COLGALT2: variants seen among roughly 807,000 people sequenced by gnomAD.
The protein encoded by COLGALT2 is procollagen galactosyltransferase 2.
COLGALT2 carries 49 observed loss-of-function variants against 73.4 expected under a neutral mutation model. The observed-to-expected ratio is 0.67, with a 90% CI of 0.53 to 0.85. The LOEUF (loss-of-function observed/expected upper bound fraction) is 0.85. Among genes scored for constraint, COLGALT2 ranks in the 40% least tolerant of loss-of-function variants. COLGALT2 has a pLI of 0.00. For synonymous variants in COLGALT2, 295 were observed against 307.6 expected (o/e 0.96, Z 0.43); for missense variants, 722 against 790.2 (o/e 0.91, Z 1.03).
At chr1:184,000,327 A>G (rs1032840551) in intron 1 of COLGALT2, among the ~76,000 whole-genome samples, 3 of 151,854 alleles carry the variant, frequency 2.0e-5, no homozygotes, top group African/African-American at 7.3e-5. Flanking sequence ...TTATTGATTG[A>G]TTGATTGAGA....
intron 1 of COLGALT2, among the ~76,000 whole-genome samples, chr1:184,035,148 A>G (rs539834780): frequency 1.1e-5 from 1 of 93,160 alleles, no homozygotes; most frequent in African/African-American, 3.7e-5. Flanking sequence ...GTAAGACACC[A>G]GTGTCCATAC....
chr1:183,991,607 T>C (rs760584862), intron 1 of COLGALT2, among the ~76,000 whole-genome samples: 5 of 152,124 alleles, frequency 3.3e-5, no homozygotes, highest in African/African-American at 1.2e-4. Flanking sequence ...GAGAGACAAA[T>C]GTTTGCTTTG....
intron 8 of COLGALT2, among the ~76,000 whole-genome samples, chr1:183,949,947 G>A (rs149251793): frequency 3.0e-4 from 45 of 152,212 alleles, no homozygotes; most frequent in Non-Finnish European, 5.3e-4. Context: ...TTGAAGCAGT[G>A]GTTCCTAAAC....
chr1:183,936,291 G>C lies in COLGALT2; in HGVS notation c.*2470C>G, dbSNP rs1019525647. On this transcript the variant is annotated 3_prime_UTR_variant, in exon 12 of 12. Coordinates refer to ENST00000361927, the MANE Select transcript of COLGALT2 (RefSeq NM_015101.4). ...AAATAATGAGGTCAAGGAACCTCTG[G>C]ATTGCTGAAGAGATGACTTTAAAAA... The C allele has an allele frequency of 2.0e-6, 2 of 985,614 alleles. No individual in the cohort carries two copies. The highest frequency in any genetic ancestry group is 2.4e-6 in the Non-Finnish European group (2 of 829,922). 61.1% of individuals were successfully genotyped at this position (985,614 alleles called of 1,614,324 possible). A position where few individuals can be genotyped will look rare whatever the true frequency, so the allele number is the denominator to read the frequency against.
At chr1:183,932,452 G>A (rs1669866961), downstream of COLGALT2, among the ~76,000 whole-genome samples, 2 of 152,132 alleles carry the variant, frequency 1.3e-5, no homozygotes, top group Admixed American at 1.3e-4. Context: ...GGGAAGTCAT[G>A]TCTTCAAAGA....
chr1:183,962,639 C>A (rs1670744621), intron 6 of COLGALT2, among the ~76,000 whole-genome samples: 3 of 152,126 alleles, frequency 2.0e-5, no homozygotes, highest in African/African-American at 7.2e-5. Context: ...AGCTTCTGTT[C>A]CTTCCTCTCC....
chr1:183,966,905 T>C (rs1670891369), intron 5 of COLGALT2, among the ~76,000 whole-genome samples: 1 of 152,012 alleles, frequency 6.6e-6, no homozygotes, highest in Non-Finnish European at 1.5e-5. Flanking sequence ...ATGGCTAGAG[T>C]CTGGGGTGAA....
intron 1 of COLGALT2, among the ~76,000 whole-genome samples, chr1:184,010,893 G>A (rs1038532776): frequency 5.9e-5 from 9 of 152,152 alleles, no homozygotes; most frequent in Non-Finnish European, 1.3e-4. Flanking sequence ...ATCGGCTCCT[G>A]GGAGATGGAT....
chr1:184,015,184 G>A (rs893792513), intron 1 of COLGALT2, among the ~76,000 whole-genome samples: 1 of 152,166 alleles, frequency 6.6e-6, no homozygotes, highest in African/African-American at 2.4e-5. Flanking sequence ...GGAAACTTTG[G>A]TAGCAAGTAA....
At chr1:183,998,976 A>G (rs915931429) in intron 1 of COLGALT2, among the ~76,000 whole-genome samples, 2 of 152,116 alleles carry the variant, frequency 1.3e-5, no homozygotes, top group Non-Finnish European at 2.9e-5. Context: ...TCTGTAGATA[A>G]TCATATCTAC....
intron 1 of COLGALT2, among the ~76,000 whole-genome samples, chr1:183,996,797 A>G (rs565750510): frequency 6.6e-6 from 1 of 152,358 alleles, no homozygotes; most frequent in African/African-American, 2.4e-5. Flanking sequence ...CCAAGACTCT[A>G]AGAAAGTAAA....
At chr1:183,965,665 A>T (rs1670847511) in intron 5 of COLGALT2, among the ~76,000 whole-genome samples, 1 of 152,264 alleles carries the variant, frequency 6.6e-6, no homozygotes, top group South Asian at 2.1e-4. Flanking sequence ...AATATGCAAA[A>T]AAGGACATCT....
intron 10 of COLGALT2, 67 bp downstream of exon 10, chr1:183,944,129 C>T: frequency 6.7e-7 from 1 of 1,503,276 alleles, no homozygotes; most frequent in Non-Finnish European, 8.9e-7. Context: ...GGAGGTGGGG[C>T]TCTCTGCGCA....
chr1:183,948,072 AAAG>A (rs1019460678), intron 8 of COLGALT2, among the ~76,000 whole-genome samples: 7 of 152,086 alleles, frequency 4.6e-5, no homozygotes, highest in African/African-American at 1.4e-4. Flanking sequence ...AATAACAAGA[AAAG>A]AAGTTTAATT....
At chr1:183,950,902 T>C (rs1200056885) in intron 8 of COLGALT2, 105 bp downstream of exon 8, 13 of 796,822 alleles carry the variant, frequency 1.6e-5, no homozygotes, top group Non-Finnish European at 1.9e-5. Context: ...GACTATCCTC[T>C]AATGACCGAA....
At chr1:184,036,637 C>T (rs370553383) in intron 1 of COLGALT2, among the ~76,000 whole-genome samples, 11 of 152,268 alleles carry the variant, frequency 7.2e-5, no homozygotes, top group Admixed American at 2.6e-4. Context: ...TGCGGAGCCC[C>T]TGGCCAACCG....
chr1:183,982,425 G>T (rs749377901), intron 1 of COLGALT2, among the ~76,000 whole-genome samples: 1 of 152,170 alleles, frequency 6.6e-6, no homozygotes, highest in Non-Finnish European at 1.5e-5. Context: ...CATGAAGAGC[G>T]CAATGAGAGT....
intron 1 of COLGALT2, among the ~76,000 whole-genome samples, chr1:184,000,191 CTTTCA>C (rs1397302342): frequency 6.6e-6 from 1 of 152,062 alleles, no homozygotes; most frequent in Non-Finnish European, 1.5e-5. Flanking sequence ...ATGCCAATTC[CTTTCA>C]ACTTTTCAGT....
chr1:184,037,029 G>T, intron 1 of COLGALT2, 66 bp downstream of exon 1: 2 of 1,273,188 alleles, frequency 1.6e-6, no homozygotes, highest in Non-Finnish European at 2.0e-6. Context: ...TGCTCCGGGC[G>T]CTGTCCGCGC....
Sources: allele counts gnomAD v4.1 joint callset (sites outside exome capture counted in the v4.1 genomes callset), GRCh38; gene constraint gnomAD v4.1.1; transcripts MANE v1.5; gene names NCBI Gene and HGNC (gene_info 2026-07-23, HGNC 2026-07-21).